The following GPR158 variants were observed in gnomAD, a reference collection of about 807,000 sequenced individuals.
The protein encoded by GPR158 is metabotropic glycine receptor.
Under a neutral mutation model 78.2 loss-of-function variants are expected in GPR158, and 30 were observed. The observed-to-expected ratio is 0.38, with a 90% CI of 0.29 to 0.52. The LOEUF (loss-of-function observed/expected upper bound fraction) is 0.52, where lower values mean the gene tolerates loss of function less well. Ranked by LOEUF, GPR158 falls within the 20% of genes least tolerant of loss-of-function variation. The probability of loss-of-function intolerance (pLI) is 0.83; values close to 1 mark genes in which losing one functional copy is unlikely to be tolerated. For synonymous variants in GPR158, 581 were observed against 591.1 expected (o/e 0.98, Z 0.25); for missense variants, 1,463 against 1,523.5 (o/e 0.96, Z 0.66).
intron 2 of GPR158, among the ~76,000 whole-genome samples, chr10:25,327,229 C>G (rs1180107357): frequency 6.6e-6 from 1 of 151,746 alleles, no homozygotes; most frequent in Non-Finnish European, 1.5e-5. Context: ...TATCTTGCTG[C>G]CTTATACACA....
chr10:25,280,877 T>G (rs1854259611), intron 2 of GPR158, among the ~76,000 whole-genome samples: 1 of 152,144 alleles, frequency 6.6e-6, no homozygotes, highest in Admixed American at 6.5e-5. Flanking sequence ...GGCTCGTGCC[T>G]ATAATCCCAG....
intron 2 of GPR158, among the ~76,000 whole-genome samples, chr10:25,264,668 A>C (rs1854018396): frequency 6.6e-6 from 1 of 152,232 alleles, no homozygotes; most frequent in African/African-American, 2.4e-5. Flanking sequence ...GAGAACCAGA[A>C]TAAAGGCCAA....
At chr10:25,504,895 G>A (rs574677212) in intron 5 of GPR158, among the ~76,000 whole-genome samples, 51 of 152,268 alleles carry the variant, frequency 3.3e-4, no homozygotes, top group Middle Eastern at 6.8e-3. Context: ...TGAATTGAGA[G>A]CAGTTGCAGT....
At chr10:25,469,491 T>C (rs1835465158) in intron 5 of GPR158, among the ~76,000 whole-genome samples, 1 of 151,986 alleles carries the variant, frequency 6.6e-6, no homozygotes, top group African/African-American at 2.4e-5. Context: ...CCTTTTAAAA[T>C]ACAGCAAGAA....
chr10:25,578,707 T>G lies in GPR158; in HGVS notation c.1753+5820T>G, dbSNP rs189311145. 1.4e-4 allele frequency among the ~76,000 whole-genome samples: 22 copies of G among 152,238 alleles called. No homozygotes were observed. The East Asian group carries it at 4.3e-3, about 29-fold the overall frequency. On this transcript the variant is annotated intron_variant, in intron 7 of 10. Coordinates refer to ENST00000376351, the MANE Select transcript of GPR158 (RefSeq NM_020752.3). ...TTATTTCACTATTGTCCTAGAGCTA[T>G]CTAAAGAATAAAGGGGTTGGCCTGG...
intron 6 of GPR158, among the ~76,000 whole-genome samples, chr10:25,562,116 CTCTTA>C (rs1057098777): frequency 1.5e-4 from 22 of 146,184 alleles, no homozygotes; most frequent in African/African-American, 4.1e-4. Flanking sequence ...TCATAGTATT[CTCTTA>C]TAATTCTTTT....
chr10:25,310,529 G>GT (rs1290525002), intron 2 of GPR158, among the ~76,000 whole-genome samples: 2 of 152,116 alleles, frequency 1.3e-5, no homozygotes, highest in Non-Finnish European at 2.9e-5. Context: ...AATGTGGGAT[G>GT]TTTTTCCATT....
chr10:25,392,309 C>G (rs139646988), intron 2 of GPR158, among the ~76,000 whole-genome samples: 2 of 152,278 alleles, frequency 1.3e-5, no homozygotes, highest in Non-Finnish European at 2.9e-5. Context: ...GTGTGGACCC[C>G]ACACTCACTC....
At chr10:25,477,209 C>G (rs1160767959) in intron 5 of GPR158, among the ~76,000 whole-genome samples, 1 of 151,980 alleles carries the variant, frequency 6.6e-6, no homozygotes, top group Non-Finnish European at 1.5e-5. Flanking sequence ...CCCATGATTA[C>G]AGCTTAAAGG....
At chr10:25,304,737 G>C (rs1368754724) in intron 2 of GPR158, among the ~76,000 whole-genome samples, 1 of 152,124 alleles carries the variant, frequency 6.6e-6, no homozygotes, top group Non-Finnish European at 1.5e-5. Flanking sequence ...ATACTGGCTA[G>C]TAGGCTAATA....
chr10:25,283,855 C>T (rs1406236565), intron 2 of GPR158, among the ~76,000 whole-genome samples: 1 of 151,618 alleles, frequency 6.6e-6, no homozygotes, highest in Non-Finnish European at 1.5e-5. Context: ...TTGAAACTTC[C>T]CACTTAGTTC....
chr10:25,535,736 C>G (rs1836490165), intron 5 of GPR158, among the ~76,000 whole-genome samples: 3 of 152,178 alleles, frequency 2.0e-5, no homozygotes. Context: ...ATTAATAGTT[C>G]TGACTCTGCT....
intron 1 of GPR158, among the ~76,000 whole-genome samples, chr10:25,182,279 A>G (rs1852620883): frequency 6.6e-6 from 1 of 152,212 alleles, no homozygotes; most frequent in African/African-American, 2.4e-5. Flanking sequence ...ATTTACTTGG[A>G]GTCAACATGA....
chr10:25,433,547 T>TGTGTGTTG (rs67750453), intron 4 of GPR158, among the ~76,000 whole-genome samples: 1 of 96,454 alleles, frequency 1.0e-5, no homozygotes, highest in African/African-American at 2.8e-5. Context: ...TGTGTGTGTG[T>TGTGTGTTG]TGTGTGTGTG....
chr10:25,459,014 A>G lies in GPR158; in HGVS notation c.1336-7637A>G, dbSNP rs954279661. Among the ~76,000 whole-genome samples, 14 of 152,312 alleles carry G rather than the reference A, an allele frequency of 9.2e-5. No homozygotes were observed. The East Asian group carries it at 2.7e-3, about 29-fold the overall frequency. On this transcript the variant is annotated intron_variant, in intron 4 of 10. Transcript: ENST00000376351. ...GATCTTCTTAACATAAGCTAACTACATGCAGTCTTTCAAACTGGATATAGT... is the reference window on the plus strand; with the variant it reads ...GATCTTCTTAACATAAGCTAACTACGTGCAGTCTTTCAAACTGGATATAGT...
intron 4 of GPR158, among the ~76,000 whole-genome samples, chr10:25,445,702 T>C (rs1433255412): frequency 6.6e-6 from 1 of 151,012 alleles, no homozygotes; most frequent in Non-Finnish European, 1.5e-5. Context: ...CCATAGGAAG[T>C]AGAAATGCCA....
intron 2 of GPR158, among the ~76,000 whole-genome samples, chr10:25,257,690 A>C (rs1446580867): frequency 6.6e-6 from 1 of 152,226 alleles, no homozygotes; most frequent in Non-Finnish European, 1.5e-5. Flanking sequence ...CATTCTGCTT[A>C]CTAAATATAA....
chr10:25,236,582 C>T (rs1041296170), intron 2 of GPR158, among the ~76,000 whole-genome samples: 1 of 152,192 alleles, frequency 6.6e-6, no homozygotes, highest in Non-Finnish European at 1.5e-5. Flanking sequence ...CATGATTCTA[C>T]CATGCTTTTT....
At chr10:25,438,560 A>G (rs1181382762) in intron 4 of GPR158, among the ~76,000 whole-genome samples, 1 of 152,208 alleles carries the variant, frequency 6.6e-6, no homozygotes, top group Non-Finnish European at 1.5e-5. Flanking sequence ...CCCAGGAGGG[A>G]GAGATATAAC....
Sources: gnomAD v4.1 joint callset for allele counts (sites outside exome capture counted in the v4.1 genomes callset) on GRCh38, gnomAD v4.1.1 for gene constraint, MANE v1.5 for transcripts, NCBI Gene and HGNC (gene_info 2026-07-23, HGNC 2026-07-21) for gene names.